Variants in KIAA1671 observed in about 807,000 individuals in gnomAD.
KIAA1671 encodes the protein KIAA1671, also known as uncharacterized protein KIAA1671.
Under a neutral mutation model 131.2 loss-of-function variants are expected in KIAA1671, and 52 were observed. That is an observed-to-expected ratio of 0.40 (90% CI 0.32 to 0.50). The LOEUF (loss-of-function observed/expected upper bound fraction) is 0.50, where lower values mean the gene tolerates loss of function less well. Ranked by LOEUF, KIAA1671 falls within the 20% of genes least tolerant of loss-of-function variation. KIAA1671 has a pLI of 0.73. For synonymous variants in KIAA1671, 1,003 were observed against 961.6 expected, an observed-to-expected ratio of 1.04 and a Z score of -0.80; for missense variants, 2,360 against 2,364.2, an observed-to-expected ratio of 1.00 and a Z score of 0.04.
chr22:25,041,224 A>G lies in KIAA1671; in HGVS notation c.4094A>G (p.Lys1365Arg), dbSNP rs1049772436. Residue 1365 changes from lysine (K) to arginine (R), a missense_variant, in exon 5 of 13, where the codon AAA (lysine) becomes AGA (arginine). By Grantham distance (26) the Lys-to-Arg change is conservative. Coordinates refer to ENST00000358431, the MANE Select transcript of KIAA1671 (RefSeq NM_001145206.2). The stretch of plus-strand genomic sequence containing the variant: ...GGCAGTGGGGTCAGGGTGTCACCCA[A>G]ATCGCCCCCCACTGACCAGAAGAAA... Reference protein sequence around the residue: ...DPGSGVRVSPKSPPTDQKKGT... With the variant: ...DPGSGVRVSPRSPPTDQKKGT... 803 of 1,551,720 alleles carry G rather than the reference A, an allele frequency of 5.2e-4. 2 individuals carry two copies. The African/African-American group carries it at 9.2e-3, about 18-fold the overall frequency.
rs1932639182 is a variant in KIAA1671, at chr22:25,135,521, T to A, written c.4531-35299T>A. ...TTTTTGTGTGTTTCTTTGTGTAGTA[T>A]TGGCTGTTTGTTCTTCCCTCTGTGT... is the stretch of plus-strand genomic sequence containing the variant. On this transcript the variant is annotated intron_variant, in intron 6 of 12. Coordinates refer to ENST00000358431, the MANE Select transcript of KIAA1671 (RefSeq NM_001145206.2). Among the ~76,000 whole-genome samples the A allele has an allele frequency of 2.0e-5, 3 of 152,334 alleles. No homozygotes were observed. In the South Asian group the frequency reaches 6.2e-4, roughly 32 times the overall value.
At chr22:24,972,844 A>G (rs1403416182) in intron 1 of KIAA1671, among the ~76,000 whole-genome samples, 1 of 152,252 alleles carries the variant, frequency 6.6e-6, no homozygotes, top group Admixed American at 6.5e-5. Flanking sequence ...TTCATAAACC[A>G]GAACTTCAGA....
intron 6 of KIAA1671, among the ~76,000 whole-genome samples, chr22:25,065,591 G>A (rs1928425603): frequency 6.6e-6 from 1 of 151,752 alleles, no homozygotes; most frequent in Non-Finnish European, 1.5e-5. Flanking sequence ...ACAAAATTAT[G>A]TCTAAGGGGA....
chr22:25,192,880 G>A lies in KIAA1671; in HGVS notation c.*479G>A, dbSNP rs1416662796. 1 of 151,980 alleles carries A rather than the reference G, an allele frequency of 6.6e-6. No individual in the cohort carries two copies. The highest frequency in any genetic ancestry group is 1.9e-4 in the East Asian group (1 of 5,180). 9.4% of individuals were successfully genotyped at this position (151,980 alleles called of 1,614,324 possible). A position where few individuals can be genotyped will look rare whatever the true frequency, so the allele number is the denominator to read the frequency against. On this transcript the variant is annotated 3_prime_UTR_variant, in exon 13 of 13. Coordinates refer to ENST00000358431, the MANE Select transcript of KIAA1671 (RefSeq NM_001145206.2). ...AAGATCAAACTGTTCATTTTCTGCTGTAGTCTCGGTGCAGGGTATTACCGC... is the reference window on the plus strand; with the variant it reads ...AAGATCAAACTGTTCATTTTCTGCTATAGTCTCGGTGCAGGGTATTACCGC...
At chr22:25,018,310 C>G (rs1053700152) in intron 1 of KIAA1671, among the ~76,000 whole-genome samples, 1 of 152,256 alleles carries the variant, frequency 6.6e-6, no homozygotes, top group East Asian at 1.9e-4. Context: ...GCATGGGCCC[C>G]CCGACGTGGT....
At chr22:24,963,364 CAAAA>C (rs766667437) in intron 1 of KIAA1671, among the ~76,000 whole-genome samples, 1 of 46,618 alleles carries the variant, frequency 2.1e-5, no homozygotes, top group Non-Finnish European at 4.2e-5. Flanking sequence ...AACTCCATCT[CAAAA>C]AAAAAAAAAA....
At chr22:25,180,565 C>T (rs1411372946) in intron 9 of KIAA1671, among the ~76,000 whole-genome samples, 1 of 152,008 alleles carries the variant, frequency 6.6e-6, no homozygotes, top group Non-Finnish European at 1.5e-5. Context: ...AAAATTTCTT[C>T]TTGCAATGGA....
In KIAA1671 at chr22:25,177,037, G is replaced by A. The variant is rs116702042; in HGVS notation, c.4900-311G>A. ...TTGCTGTAGATTACATGCTTGTGTG[G>A]TGGATGTCACTGGGAGGGAAAAGGC... On this transcript the variant is annotated intron_variant, in intron 8 of 12. Coordinates refer to ENST00000358431, the MANE Select transcript of KIAA1671 (RefSeq NM_001145206.2). 534 of 334,840 alleles carry A rather than the reference G, an allele frequency of 1.6e-3. 3 individuals carry two copies. The highest frequency in any genetic ancestry group is 0.01 in the African/African-American group (507 of 49,096). The allele number at this position is 334,840 out of a possible 1,614,324, so 20.7% of individuals were successfully genotyped here. A position where few individuals can be genotyped will look rare whatever the true frequency, so the allele number is the denominator to read the frequency against.
At chr22:25,045,885 C>T (rs983764395) in intron 5 of KIAA1671, among the ~76,000 whole-genome samples, 22 of 152,154 alleles carry the variant, frequency 1.4e-4, no homozygotes, top group African/African-American at 4.8e-4. Flanking sequence ...GCCACTGCAC[C>T]CGGCCTCCCC....
At position 25,167,183 on chromosome 22, in the gene KIAA1671, C is replaced by A. The variant is rs567666292; in HGVS notation, c.4531-3637C>A. On this transcript the variant is annotated intron_variant, in intron 6 of 12. Transcript: ENST00000358431. ...CCTTGCAAGGCAAAAACATAACACT[C>A]CCCAGCAGGGCCTGAGTGCATCCCT... Among the ~76,000 whole-genome samples the A allele has an allele frequency of 4.6e-5, 7 of 152,298 alleles. No individual in the cohort carries two copies. In the South Asian group the frequency reaches 1.5e-3, roughly 32 times the overall value.
At chr22:24,979,986 G>T (rs1326172869) in intron 1 of KIAA1671, among the ~76,000 whole-genome samples, 1 of 147,824 alleles carries the variant, frequency 6.8e-6, no homozygotes, top group Non-Finnish European at 1.5e-5. Flanking sequence ...TTTTTCTTGA[G>T]ACTGTGTCTT....
At chr22:25,149,880 A>G (rs1030407502) in intron 6 of KIAA1671, among the ~76,000 whole-genome samples, 1 of 152,122 alleles carries the variant, frequency 6.6e-6, no homozygotes, top group African/African-American at 2.4e-5. Context: ...TCTTCATTAA[A>G]GACTCAACAC....
At chr22:24,999,727 T>C (rs1252476359) in intron 1 of KIAA1671, among the ~76,000 whole-genome samples, 1 of 150,268 alleles carries the variant, frequency 6.7e-6, no homozygotes, top group Non-Finnish European at 1.5e-5. Flanking sequence ...TATGCCTGGC[T>C]AACTGTTCAG....
chr22:25,026,505 C>T lies in KIAA1671; in HGVS notation c.-56+721C>T, dbSNP rs1265780472. Among the ~76,000 whole-genome samples, 10 of 152,056 alleles carry T rather than the reference C, an allele frequency of 6.6e-5. 1 individual carries two copies. The highest frequency in any genetic ancestry group is 5.9e-4 in the Admixed American group (9 of 15,276). Reference sequence around the variant, plus strand: ...CAGCACTTTGGGAGGCTGAGGTGGGCGGATCCCCTGAGGTCAGGAGTTCGA... The same window carrying T: ...CAGCACTTTGGGAGGCTGAGGTGGGTGGATCCCCTGAGGTCAGGAGTTCGA... On this transcript the variant is annotated intron_variant, in intron 2 of 12. Transcript: ENST00000358431.
chr22:24,981,912 A>C (rs1025283551), intron 1 of KIAA1671, among the ~76,000 whole-genome samples: 1 of 152,130 alleles, frequency 6.6e-6, no homozygotes, highest in Non-Finnish European at 1.5e-5. Context: ...GTCTAACATA[A>C]AAGGAAAACT....
chr22:25,096,819 C>T (rs1435512906), intron 6 of KIAA1671, among the ~76,000 whole-genome samples: 1 of 152,204 alleles, frequency 6.6e-6, no homozygotes, highest in Non-Finnish European at 1.5e-5. Context: ...TGCTTTCTGC[C>T]ACTGTGGATT....
At chr22:25,025,528 GGAGT>G (rs1925900864) in intron 1 of KIAA1671, 101 bp from the exon 2 acceptor site, 1 of 152,190 alleles carries the variant, frequency 6.6e-6, no homozygotes, top group Non-Finnish European at 1.5e-5. Context: ...TTTACAAGCT[GGAGT>G]AGATGCCAGC....
intron 7 of KIAA1671, among the ~76,000 whole-genome samples, chr22:25,173,922 T>C (rs565907429): frequency 1.2e-4 from 18 of 152,286 alleles, no homozygotes; most frequent in South Asian, 6.2e-4. Flanking sequence ...ACTTGCTCCA[T>C]TGCAAGGACC....
intron 1 of KIAA1671, among the ~76,000 whole-genome samples, chr22:24,980,788 C>T (rs1022717794): frequency 6.6e-6 from 1 of 151,778 alleles, no homozygotes; most frequent in Non-Finnish European, 1.5e-5. Flanking sequence ...CTCTTGTCAC[C>T]CAGGCTGAAG....
Sources: gnomAD v4.1 joint callset for allele counts (sites outside exome capture counted in the v4.1 genomes callset) on GRCh38, gnomAD v4.1.1 for gene constraint, MANE v1.5 for transcripts, NCBI Gene and HGNC (gene_info 2026-07-23, HGNC 2026-07-21) for gene names.